The following SC5D variants were observed in gnomAD, a reference collection of about 807,000 sequenced individuals.
SC5D encodes sterol-C5-desaturase.
A neutral mutation model predicts 23.9 loss-of-function variants in SC5D; 21 were observed. The ratio of observed to expected loss-of-function variants is 0.88; its 90% CI spans 0.62 to 1.26. SC5D has a LOEUF of 1.26. SC5D is among the 50% of genes most tolerant of loss of function. The pLI is 0.00. For missense variants in SC5D, 309 were observed against 364.8 expected (o/e 0.85, Z 1.25); for synonymous variants, 113 against 125.9 (o/e 0.90, Z 0.68).
intron 1 of SC5D, among the ~76,000 whole-genome samples, chr11:121,295,839 A>T (rs1195928210): frequency 1.3e-5 from 2 of 152,164 alleles, no homozygotes; most frequent in Non-Finnish European, 1.5e-5. Flanking sequence ...TCTCACAGTC[A>T]TCCTAGATTT....
Position 121,312,716 on chromosome 11 carries a change from G to A in SC5D, c.*5204G>A, listed in dbSNP as rs1948020277. The stretch of plus-strand genomic sequence containing the variant: ...TAATTGCACTACTGCACTCCACGCT[G>A]GGTGACAGAGCAAGACCCTATCTCT... On this transcript the variant is annotated 3_prime_UTR_variant, in exon 5 of 5. Transcript: ENST00000264027. 6.6e-6 allele frequency among the ~76,000 whole-genome samples: 1 copy of A among 151,914 alleles called. No individual in the cohort carries two copies. Among genetic ancestry groups the A allele is most frequent in the Admixed American group, 6.6e-5 (1 of 15,250 alleles).
At chr11:121,300,007 C>T (rs975031753) in intron 1 of SC5D, among the ~76,000 whole-genome samples, 1 of 152,160 alleles carries the variant, frequency 6.6e-6, no homozygotes. Flanking sequence ...TTTTGAATTC[C>T]GAAATAACAT....
rs148941304 is a variant in SC5D, at chr11:121,299,818, C to T, written c.-10-3548C>T. The stretch of plus-strand genomic sequence containing the variant: ...CTGAGTCAGAAGGATCACTTGAGCC[C>T]GGGAGGCAGAGGTTGCAGTGAGCTG... On this transcript the variant is annotated intron_variant, in intron 1 of 4. Transcript: ENST00000264027. Among the ~76,000 whole-genome samples the T allele has an allele frequency of 8.0e-3, 1,221 of 152,196 alleles. 24 individuals carry two copies. Among genetic ancestry groups the T allele is most frequent in the African/African-American group, 0.027 (1,123 of 41,496 alleles).
intron 1 of SC5D, among the ~76,000 whole-genome samples, chr11:121,301,785 C>CA (rs1284734177): frequency 1.3e-5 from 2 of 150,750 alleles, no homozygotes; most frequent in Non-Finnish European, 3.0e-5. Flanking sequence ...TCTTTAAAAA[C>CA]AAAAAAAGGA....
At chr11:121,304,607 C>A in intron 3 of SC5D, 114 bp downstream of exon 3, 1 of 936,272 alleles carries the variant, frequency 1.1e-6, no homozygotes, top group Non-Finnish European at 1.7e-6. Context: ...ACAAATTATT[C>A]AGTTGTTTTT....
rs1400675526 is a variant in SC5D at position 121,313,114 on chromosome 11, C to T, written c.*5602C>T. On this transcript the variant is annotated 3_prime_UTR_variant, in exon 5 of 5. Transcript: ENST00000264027. ...TTTCCTCTCCGTTTGCAGTCATTCT[C>T]CCCAGCCCTAGGTCACCACTGATCC... 2.0e-5 allele frequency among the ~76,000 whole-genome samples: 3 copies of T among 152,168 alleles called. No homozygotes were observed. Among genetic ancestry groups the T allele is most frequent in the Admixed American group, 6.5e-5 (1 of 15,282 alleles).
chr11:121,304,568 C>G, intron 3 of SC5D, 75 bp downstream of exon 3: 1 of 1,309,976 alleles, frequency 7.6e-7, no homozygotes, highest in East Asian at 2.3e-5. Flanking sequence ...ACAAGTCTGC[C>G]CTTTTTTTTT....
intron 2 of SC5D, chr11:121,303,826 G>A: frequency 2.3e-6 from 1 of 433,852 alleles, no homozygotes; most frequent in Non-Finnish European, 4.1e-6. Flanking sequence ...GATGCATATT[G>A]GAGCATTTTT....
Position 121,307,797 on chromosome 11 carries a change from C to A in SC5D, c.*285C>A. 1 of 295,094 alleles carries A rather than the reference C, an allele frequency of 3.4e-6. No homozygotes were observed. Among genetic ancestry groups the A allele is most frequent in the Non-Finnish European group, 6.3e-6 (1 of 158,518 alleles). The allele number at this position is 295,094 out of a possible 1,614,324, so 18.3% of individuals were successfully genotyped here. A position where few individuals can be genotyped will look rare whatever the true frequency, so the allele number is the denominator to read the frequency against. On this transcript the variant is annotated 3_prime_UTR_variant, in exon 5 of 5. Coordinates refer to ENST00000264027, the MANE Select transcript of SC5D (RefSeq NM_006918.5). ...TCTGTAGTTTGTATAGCCTCAACAA[C>A]AATTTTAAATAAGATGGAGAATAAA...
rs1036380706 is a variant in SC5D, at chr11:121,311,871, C to G, written c.*4359C>G. ...ATTATTGTCATTTTACCTCCATAGGCCCTCAATAGAAATCAGTTGCAGAGG... is the reference window on the plus strand; with the variant it reads ...ATTATTGTCATTTTACCTCCATAGGGCCTCAATAGAAATCAGTTGCAGAGG... On this transcript the variant is annotated 3_prime_UTR_variant, in exon 5 of 5. Coordinates refer to ENST00000264027, the MANE Select transcript of SC5D (RefSeq NM_006918.5). 6.6e-6 allele frequency among the ~76,000 whole-genome samples: 1 copy of G among 152,134 alleles called. No homozygotes were observed. Among genetic ancestry groups the G allele is most frequent in the Non-Finnish European group, 1.5e-5 (1 of 68,002 alleles).
In SC5D at chr11:121,310,989, C is replaced by T. The variant is rs1948006232; in HGVS notation, c.*3477C>T. 6.6e-6 allele frequency among the ~76,000 whole-genome samples: 1 copy of T among 152,184 alleles called. No homozygotes were observed. Among genetic ancestry groups the T allele is most frequent in the South Asian group, 2.1e-4 (1 of 4,822 alleles). The stretch of plus-strand genomic sequence containing the variant: ...GGAAGAAATTTGCATTCCTGATCTT[C>T]CCAACTTCTTCAAATTCACAACACT... On this transcript the variant is annotated 3_prime_UTR_variant, in exon 5 of 5. Coordinates refer to ENST00000264027, the MANE Select transcript of SC5D (RefSeq NM_006918.5).
In SC5D at chr11:121,311,777, A is replaced by T. The variant is rs1565572119; in HGVS notation, c.*4265A>T. ...AAGATTAAATAAGTTAGAAGCATTC[A>T]GTTAAATGTCAACTGAAACTATTGT... On this transcript the variant is annotated 3_prime_UTR_variant, in exon 5 of 5. Transcript: ENST00000264027. Among the ~76,000 whole-genome samples, 1 of 152,230 alleles carries T rather than the reference A, an allele frequency of 6.6e-6. No homozygotes were observed. The highest frequency in any genetic ancestry group is 1.5e-5 in the Non-Finnish European group (1 of 68,034).
rs576914646 is a variant in SC5D at position 121,308,984 on chromosome 11, C to T, written c.*1472C>T. Among the ~76,000 whole-genome samples, 3 of 152,190 alleles carry T rather than the reference C, an allele frequency of 2.0e-5. No homozygotes were observed. The highest frequency in any genetic ancestry group is 2.1e-4 in the South Asian group (1 of 4,830). ...GCTTTTCACCAATCCCACTCACCCC[C>T]GGTGCTCCGCCTTGCCTAAGAAAAA... is the stretch of plus-strand genomic sequence containing the variant. On this transcript the variant is annotated 3_prime_UTR_variant, in exon 5 of 5. Coordinates refer to ENST00000264027, the MANE Select transcript of SC5D (RefSeq NM_006918.5).
intron 3 of SC5D, 124 bp from the exon 4 acceptor site, chr11:121,306,262 A>G: frequency 7.1e-6 from 5 of 700,658 alleles, no homozygotes; most frequent in Non-Finnish European, 1.1e-5. Context: ...TGAATTAGCC[A>G]GAACAGATCA....
chr11:121,297,205 T>C (rs1947895535), intron 1 of SC5D, among the ~76,000 whole-genome samples: 1 of 152,228 alleles, frequency 6.6e-6, no homozygotes, highest in South Asian at 2.1e-4. Context: ...ACCAAAGTTA[T>C]GAGTGTATAA....
Position 121,308,541 on chromosome 11 carries a change from G to A in SC5D, c.*1029G>A, listed in dbSNP as rs1299046687. ...TTAACAAATACATTCATAAGGAAAT[G>A]TGTGTTGTAACAAATATATTGCAAA... On this transcript the variant is annotated 3_prime_UTR_variant, in exon 5 of 5. Transcript: ENST00000264027. The A allele has an allele frequency of 6.6e-6, 1 of 152,564 alleles. No individual in the cohort carries two copies. Among genetic ancestry groups the A allele is most frequent in the African/African-American group, 2.4e-5 (1 of 41,436 alleles). 9.5% of individuals were successfully genotyped at this position (152,564 alleles called of 1,614,324 possible).
Position 121,306,476 on chromosome 11 carries a change from TGGTATATAA to T in SC5D, c.439_444+3del. ...ATTCACAGAGGCCTTCATCATAGAC[TGGTATATAA>T]GGTAAAGTCATTTGTGGTGAAAAGA... On this transcript the variant is annotated inframe_deletion and splice_region_variant, in exon 4 of 5. Coordinates refer to ENST00000264027, the MANE Select transcript of SC5D (RefSeq NM_006918.5). 2.0e-6 allele frequency: 3 copies of T among 1,468,102 alleles called. No individual in the cohort carries two copies. Among genetic ancestry groups the T allele is most frequent in the Non-Finnish European group, 2.9e-6 (3 of 1,046,874 alleles). The allele number at this position is 1,468,102 out of a possible 1,614,324, so 90.9% of individuals were successfully genotyped here.
At chr11:121,294,524 T>C (rs1947875780) in intron 1 of SC5D, among the ~76,000 whole-genome samples, 1 of 152,106 alleles carries the variant, frequency 6.6e-6, no homozygotes, top group Admixed American at 6.5e-5. Context: ...AAGGGAAAAT[T>C]AGTTAATATA....
chr11:121,301,983 A>G (rs1947929432), intron 1 of SC5D, among the ~76,000 whole-genome samples: 1 of 152,204 alleles, frequency 6.6e-6, no homozygotes, highest in Admixed American at 6.5e-5. Flanking sequence ...GGTCACCCAG[A>G]GAGGTGGAAA....
Sources: allele counts gnomAD v4.1 joint callset (sites outside exome capture counted in the v4.1 genomes callset), GRCh38; gene constraint gnomAD v4.1.1; transcripts MANE v1.5; gene names NCBI Gene and HGNC (gene_info 2026-07-23, HGNC 2026-07-21).